PSD3: variants seen among roughly 807,000 people sequenced by gnomAD.
PSD3 encodes PH and SEC7 domain-containing protein 3.
In PSD3, 49 loss-of-function variants were observed where a neutral mutation model predicts 105.5. The ratio of observed to expected loss-of-function variants is 0.46; its 90% confidence interval spans 0.37 to 0.59. PSD3 has a LOEUF of 0.59. Ranked by LOEUF, PSD3 falls within the 20% of genes least tolerant of loss-of-function variation. PSD3 has a pLI of 0.00. For synonymous variants in PSD3, 557 were observed against 457.8 expected (o/e 1.22, Z -2.77); for missense variants, 1,561 against 1,263.8 (o/e 1.24, Z -3.57).
intron 2 of PSD3, among the ~76,000 whole-genome samples, chr8:18,886,367 T>G (rs1818451645): frequency 6.6e-6 from 1 of 152,118 alleles, no homozygotes; most frequent in Admixed American, 6.5e-5. Context: ...CTCTGATGAC[T>G]GGGAATTAAA....
rs563452792 is a variant in PSD3 at position 18,671,706 on chromosome 8, A to G, written c.2173-16021T>C. On this transcript the variant is annotated intron_variant, in intron 9 of 15. Transcript: ENST00000327040. ...GGAGGGCAGTGCGCGATCTCCGCTC[A>G]CTGCAAGCTCCGCCTCCTGGGTTCA... is the stretch of plus-strand genomic sequence containing the variant. Among the ~76,000 whole-genome samples, 13 of 151,436 alleles carry G rather than the reference A, an allele frequency of 8.6e-5. No individual in the cohort carries two copies. The South Asian group carries it at 2.7e-3, about 32-fold the overall frequency.
At chr8:18,674,557 T>C (rs1371063571) in intron 9 of PSD3, among the ~76,000 whole-genome samples, 2 of 152,160 alleles carry the variant, frequency 1.3e-5, no homozygotes, top group African/African-American at 4.8e-5. Context: ...AAGAGTTAAG[T>C]TTTTTTGCTA....
chr8:18,801,183 T>A, intron 7 of PSD3, 87 bp downstream of exon 7: 1 of 779,532 alleles, frequency 1.3e-6, no homozygotes, highest in South Asian at 1.9e-5. Flanking sequence ...TGAAGATACA[T>A]AATTTCTCAC....
chr8:18,935,111 A>G (rs1248162047), intron 2 of PSD3, among the ~76,000 whole-genome samples: 1 of 152,194 alleles, frequency 6.6e-6, no homozygotes, highest in African/African-American at 2.4e-5. Flanking sequence ...TGTGATGATT[A>G]GCATAGTGCC....
chr8:18,878,070 A>G (rs1817852406), intron 2 of PSD3, among the ~76,000 whole-genome samples: 1 of 152,196 alleles, frequency 6.6e-6, no homozygotes, highest in African/African-American at 2.4e-5. Context: ...TAACAGTATT[A>G]CTATTACATC....
At chr8:18,955,971 T>A (rs559730168) in intron 1 of PSD3, among the ~76,000 whole-genome samples, 1 of 152,172 alleles carries the variant, frequency 6.6e-6, no homozygotes, top group Middle Eastern at 3.4e-3. Flanking sequence ...TTTCACCATG[T>A]TGGCCAGGCT....
intron 9 of PSD3, among the ~76,000 whole-genome samples, chr8:18,689,041 C>A (rs536279283): frequency 6.6e-6 from 1 of 152,328 alleles, no homozygotes; most frequent in South Asian, 2.1e-4. Context: ...TCTCTAAGGA[C>A]ACCGTTTGGT....
intron 9 of PSD3, among the ~76,000 whole-genome samples, chr8:18,727,887 C>A (rs555467933): frequency 6.6e-6 from 1 of 152,204 alleles, no homozygotes; most frequent in East Asian, 1.9e-4. Context: ...CCCTACTAGT[C>A]TACTAAGCTA....
intron 2 of PSD3, among the ~76,000 whole-genome samples, chr8:18,919,471 C>A (rs1252371952): frequency 6.6e-6 from 1 of 152,042 alleles, no homozygotes; most frequent in Non-Finnish European, 1.5e-5. Flanking sequence ...TACTAGATTT[C>A]TGAGTCAAAC....
intron 4 of PSD3, among the ~76,000 whole-genome samples, chr8:18,818,697 C>T (rs1300315389): frequency 6.6e-6 from 1 of 151,690 alleles, no homozygotes; most frequent in African/African-American, 2.4e-5. Flanking sequence ...CCCCCAACAA[C>T]CAGCAAAAAA....
At chr8:18,557,887 C>G (rs1411639982) in intron 14 of PSD3, among the ~76,000 whole-genome samples, 7 of 152,166 alleles carry the variant, frequency 4.6e-5, no homozygotes, top group Admixed American at 3.3e-4. Context: ...TGTGTCCACT[C>G]AAAATTAACC....
chr8:19,006,875 C>A (rs1586618340), intron 1 of PSD3, among the ~76,000 whole-genome samples: 1 of 152,052 alleles, frequency 6.6e-6, no homozygotes, highest in Admixed American at 6.5e-5. Flanking sequence ...ATATATAGCA[C>A]TGCCCACCTG....
intron 2 of PSD3, among the ~76,000 whole-genome samples, chr8:18,925,516 C>G (rs1466191168): frequency 6.6e-6 from 1 of 152,002 alleles, no homozygotes; most frequent in South Asian, 2.1e-4. Context: ...ACAGGTTGAG[C>G]ATCCCTAACC....
At position 18,927,144 on chromosome 8, in the gene PSD3, G is replaced by GC. The variant is rs1351520331; in HGVS notation, c.130+8889dup. Among the ~76,000 whole-genome samples the GC allele has an allele frequency of 2.6e-5, 4 of 152,222 alleles. No individual in the cohort carries two copies. In the East Asian group the frequency reaches 7.7e-4, roughly 29 times the overall value. On this transcript the variant is annotated intron_variant, in intron 2 of 15. Transcript: ENST00000327040. ...CACGGAACTTCCAAGCCCTCCCCAG[G>GC]CACGCCACCTTCCAGAACCTCCATG...
At chr8:18,605,531 T>C (rs1804758428) in intron 11 of PSD3, among the ~76,000 whole-genome samples, 2 of 152,144 alleles carry the variant, frequency 1.3e-5, no homozygotes, top group Non-Finnish European at 2.9e-5. Flanking sequence ...AGACTTTGGA[T>C]TTCTGAGTTA....
rs1342054311 is a variant in PSD3 at position 18,856,619 on chromosome 8, CTT to C, written c.1634+11053_1634+11054del. ...ATACTAAAGACTTTATAATATTACT[CTT>C]GACAAGAAAATGTCACCTTGTTTGC... On this transcript the variant is annotated intron_variant, in intron 4 of 15. Coordinates refer to ENST00000327040, the MANE Select transcript of PSD3 (RefSeq NM_015310.4). Among the ~76,000 whole-genome samples the C allele has an allele frequency of 3.3e-5, 5 of 152,300 alleles. No homozygotes were observed. The East Asian group carries it at 9.6e-4, about 29-fold the overall frequency.
At chr8:18,952,116 T>G (rs1035545693) in intron 1 of PSD3, among the ~76,000 whole-genome samples, 2 of 152,186 alleles carry the variant, frequency 1.3e-5, no homozygotes, top group Non-Finnish European at 2.9e-5. Context: ...ACCTTTGTTC[T>G]TAAATACAGA....
At chr8:18,908,727 C>T (rs1240508608) in intron 2 of PSD3, among the ~76,000 whole-genome samples, 1 of 152,140 alleles carries the variant, frequency 6.6e-6, no homozygotes, top group African/African-American at 2.4e-5. Context: ...TTTAATGGTT[C>T]CTCGTATGAA....
chr8:18,985,738 A>G (rs968483236), intron 1 of PSD3, among the ~76,000 whole-genome samples: 7 of 152,156 alleles, frequency 4.6e-5, no homozygotes, highest in Non-Finnish European at 1.0e-4. Context: ...CTTATCAGTA[A>G]AAAATCATTT....
Sources: allele counts gnomAD v4.1 joint callset (sites outside exome capture counted in the v4.1 genomes callset), GRCh38; gene constraint gnomAD v4.1.1; transcripts MANE v1.5; gene names NCBI Gene and HGNC (gene_info 2026-07-23, HGNC 2026-07-21).